Variants in ARMC2 observed in about 807,000 individuals in gnomAD.
The protein encoded by ARMC2 is armadillo repeat containing 2.
Under a neutral mutation model 90.3 loss-of-function variants are expected in ARMC2, and 67 were observed. The ratio of observed to expected loss-of-function variants is 0.74; its 90% confidence interval spans 0.61 to 0.91. ARMC2 has a LOEUF of 0.91. Among genes scored for constraint, ARMC2 ranks in the 40% least tolerant of loss-of-function variants. The pLI is 0.00. For synonymous variants in ARMC2, 393 were observed against 393.0 expected (o/e 1.00, Z 0.00); for missense variants, 920 against 1,030.9 (o/e 0.89, Z 1.47).
chr6:108,854,199 A>G, intron 1 of ARMC2, 26 bp from the exon 2 acceptor site: 1 of 1,236,964 alleles, frequency 8.1e-7, no homozygotes, highest in South Asian at 1.3e-5. Context: ...AAAAATAATG[A>G]TGGTTTTTGT....
chr6:108,921,568 C>T (rs757007073), intron 10 of ARMC2, among the ~76,000 whole-genome samples: 1 of 152,194 alleles, frequency 6.6e-6, no homozygotes, highest in Non-Finnish European at 1.5e-5. Flanking sequence ...TTTCTTTTGT[C>T]TCAGCCAGAA....
the ARMC2 span, among the ~76,000 whole-genome samples, chr6:109,027,500 AAAG>A: frequency 6.6e-6 from 1 of 151,232 alleles, no homozygotes; most frequent in Non-Finnish European, 1.5e-5. Flanking sequence ...AAAAAAAAAA[AAAG>A]AGACATCTTC....
At chr6:109,011,277 G>A in the ARMC2 span, among the ~76,000 whole-genome samples, 120 of 152,314 alleles carry the variant, frequency 7.9e-4, no homozygotes, top group South Asian at 1.7e-3. Flanking sequence ...AATATTTATT[G>A]AAGAAATATT....
intron 1 of ARMC2, among the ~76,000 whole-genome samples, chr6:108,853,726 CAATT>C (rs1215885536): frequency 6.6e-6 from 1 of 152,124 alleles, no homozygotes; most frequent in Non-Finnish European, 1.5e-5. Context: ...TGAGTTGAAT[CAATT>C]CATTCAGTTA....
chr6:108,940,500 A>G (rs541187954), intron 12 of ARMC2, among the ~76,000 whole-genome samples: 1 of 152,124 alleles, frequency 6.6e-6, no homozygotes, highest in African/African-American at 2.4e-5. Flanking sequence ...GAAGGTGGCC[A>G]CCCCAACCTA....
the ARMC2 span, among the ~76,000 whole-genome samples, chr6:109,001,684 A>G: frequency 1.3e-5 from 2 of 152,186 alleles, no homozygotes; most frequent in African/African-American, 4.8e-5. Context: ...GTAGGGGATA[A>G]ACAACAAAGG....
the ARMC2 span, among the ~76,000 whole-genome samples, chr6:109,035,326 T>C: frequency 6.6e-6 from 1 of 152,158 alleles, no homozygotes; most frequent in African/African-American, 2.4e-5. Context: ...CTAAGTCAGG[T>C]ATTTTAAGAA....
At chr6:108,964,430 C>T (rs1478644357) in intron 16 of ARMC2, 118 bp downstream of exon 16, 11 of 1,228,466 alleles carry the variant, frequency 9.0e-6, no homozygotes, top group Non-Finnish European at 1.1e-5. Context: ...TTGGGAAGCC[C>T]CTAAGCTGAG....
the ARMC2 span, among the ~76,000 whole-genome samples, chr6:109,029,868 A>AT: frequency 6.6e-6 from 1 of 151,976 alleles, no homozygotes; most frequent in South Asian, 2.1e-4. Flanking sequence ...TGTTCAAGTT[A>AT]TTTTTCTATG....
At chr6:108,948,689 T>G (rs1776973085) in intron 12 of ARMC2, among the ~76,000 whole-genome samples, 1 of 151,680 alleles carries the variant, frequency 6.6e-6, no homozygotes, top group South Asian at 2.1e-4. Flanking sequence ...CTTCTTCTTC[T>G]GCACTGGAGG....
intron 6 of ARMC2, among the ~76,000 whole-genome samples, chr6:108,898,032 C>A (rs1583045494): frequency 6.6e-6 from 1 of 151,996 alleles, no homozygotes; most frequent in Admixed American, 6.6e-5. Context: ...ATTAATAATC[C>A]TAATCCCAAT....
At chr6:109,028,961 T>C in the ARMC2 span, among the ~76,000 whole-genome samples, 1 of 152,224 alleles carries the variant, frequency 6.6e-6, no homozygotes, top group East Asian at 1.9e-4. Flanking sequence ...TTTACCTTTA[T>C]GTATATTAAC....
rs1774299204 is a variant in ARMC2, at chr6:108,854,247, T to C, written c.-21T>C. The stretch of plus-strand genomic sequence containing the variant: ...CAGGGTGTGGTGTCTATCTGAAGAA[T>C]ATTTTACTTTCAAAGGAAAGATGCT... On this transcript the variant is annotated 5_prime_UTR_variant, in exon 2 of 18. Transcript: ENST00000392644. 1 of 1,559,494 alleles carries C rather than the reference T, an allele frequency of 6.4e-7. No individual in the cohort carries two copies. The highest frequency in any genetic ancestry group is 1.4e-5 in the African/African-American group (1 of 73,512).
rs180705073 is a variant in ARMC2, at chr6:108,863,044, C to T, written c.291+4773C>T. Among the ~76,000 whole-genome samples, 765 of 152,330 alleles carry T rather than the reference C, an allele frequency of 5.0e-3. 3 individuals are homozygous for T. Among genetic ancestry groups the T allele is most frequent in the South Asian group, 8.9e-3 (43 of 4,816 alleles). ...TGCTTCTGAGAAGAGGAAGAGCTGA[C>T]GCTTGTGGTTCCTGATTGCTCAGGC... On this transcript the variant is annotated intron_variant, in intron 3 of 17. Coordinates refer to ENST00000392644, the MANE Select transcript of ARMC2 (RefSeq NM_032131.6).
In ARMC2 at chr6:108,944,363, A is replaced by C. The variant is rs1022952782; in HGVS notation, c.1596+7364A>C. On this transcript the variant is annotated intron_variant, in intron 12 of 17. Coordinates refer to ENST00000392644, the MANE Select transcript of ARMC2 (RefSeq NM_032131.6). ...GGATGGTACATTAGTCTTTTCCACA[A>C]ATTTTCGCTGCCAGACTTGTGTCAA... 3.3e-5 allele frequency among the ~76,000 whole-genome samples: 5 copies of C among 152,342 alleles called. No homozygotes were observed. The East Asian group carries it at 7.7e-4, about 24-fold the overall frequency.
At chr6:108,970,037 TA>T (rs537655685) in intron 17 of ARMC2, among the ~76,000 whole-genome samples, 15 of 148,460 alleles carry the variant, frequency 1.0e-4, no homozygotes, top group African/African-American at 2.0e-4. Context: ...CTCTGTCTCT[TA>T]AAAAAAAAAA....
At chr6:108,879,993 T>C (rs905541944) in intron 5 of ARMC2, 2 of 460,812 alleles carry the variant, frequency 4.3e-6, no homozygotes, top group Non-Finnish European at 8.9e-6. Flanking sequence ...TATCGAGTGC[T>C]CTTAGTATTG....
chr6:109,017,428 G>A, the ARMC2 span, among the ~76,000 whole-genome samples: 1 of 152,020 alleles, frequency 6.6e-6, no homozygotes, highest in Non-Finnish European at 1.5e-5. Flanking sequence ...TGGGACTACA[G>A]GCACCCACCA....
chr6:108,954,067 TG>T (rs1199167903), intron 13 of ARMC2, among the ~76,000 whole-genome samples: 1 of 152,190 alleles, frequency 6.6e-6, no homozygotes, highest in East Asian at 1.9e-4. Context: ...GGGGACAGTC[TG>T]TCTCTCCCCC....
Sources: gnomAD v4.1 joint callset for allele counts (sites outside exome capture counted in the v4.1 genomes callset) on GRCh38, gnomAD v4.1.1 for gene constraint, MANE v1.5 for transcripts, NCBI Gene and HGNC (gene_info 2026-07-23, HGNC 2026-07-21) for gene names.